FRMD4A: variants seen among roughly 807,000 people sequenced by gnomAD.
FRMD4A encodes the protein FERM domain containing 4A.
FRMD4A carries 29 observed loss-of-function variants against 129.1 expected under a neutral mutation model. The observed-to-expected ratio is 0.22, with a 90% CI of 0.17 to 0.31. FRMD4A has a LOEUF of 0.31. FRMD4A is among the 10% of genes least tolerant of loss of function. FRMD4A has a pLI of 1.00. For synonymous variants in FRMD4A, 634 were observed against 571.6 expected, an observed-to-expected ratio of 1.11 and a Z score of -1.56; for missense variants, 1,272 against 1,375.8, an observed-to-expected ratio of 0.92 and a Z score of 1.19.
At chr10:14,193,616 T>C (rs1028619542) in intron 2 of FRMD4A, among the ~76,000 whole-genome samples, 1 of 150,340 alleles carries the variant, frequency 6.7e-6, no homozygotes, top group Non-Finnish European at 1.5e-5. Flanking sequence ...GAAATATTCA[T>C]AAGCAATGAA....
At chr10:13,728,586 T>TTTTTTTTTTTTTTTTTTTG (rs2090086331) in intron 12 of FRMD4A, among the ~76,000 whole-genome samples, 1 of 141,386 alleles carries the variant, frequency 7.1e-6, no homozygotes, top group Non-Finnish European at 1.5e-5. Context: ...TTTTTTTTTT[T>TTTTTTTTTTTTTTTTTTTG]TTTTGAGATG....
chr10:13,998,381 G>A (rs555416744), intron 2 of FRMD4A, among the ~76,000 whole-genome samples: 31 of 152,268 alleles, frequency 2.0e-4, no homozygotes, highest in African/African-American at 7.5e-4. Context: ...TCACATAATT[G>A]GCTCTGGAGA....
chr10:14,142,118 T>C (rs1839866431), intron 2 of FRMD4A, among the ~76,000 whole-genome samples: 1 of 151,266 alleles, frequency 6.6e-6, no homozygotes, highest in Non-Finnish European at 1.5e-5. Flanking sequence ...AAAACATTTT[T>C]ATTTTAAAAA....
chr10:13,678,713 G>T (rs938298548), intron 15 of FRMD4A, among the ~76,000 whole-genome samples: 1 of 152,214 alleles, frequency 6.6e-6, no homozygotes, highest in Non-Finnish European at 1.5e-5. Flanking sequence ...CCAATTCAGT[G>T]TAACACTTGA....
At chr10:14,115,890 A>C (rs1191071173) in intron 2 of FRMD4A, among the ~76,000 whole-genome samples, 2 of 152,246 alleles carry the variant, frequency 1.3e-5, no homozygotes, top group Non-Finnish European at 2.9e-5. Context: ...AAATGGACTA[A>C]GACAGACATC....
At chr10:14,174,473 C>T (rs1380198716) in intron 2 of FRMD4A, among the ~76,000 whole-genome samples, 1 of 152,228 alleles carries the variant, frequency 6.6e-6, no homozygotes, top group Non-Finnish European at 1.5e-5. Flanking sequence ...CCGGAGCATC[C>T]AGCCGCTTTG....
chr10:13,770,058 C>G (rs569649510), intron 6 of FRMD4A, among the ~76,000 whole-genome samples: 2 of 152,302 alleles, frequency 1.3e-5, no homozygotes, highest in African/African-American at 4.8e-5. Context: ...TTCTGTCCCT[C>G]TGACTAATAC....
At chr10:14,031,454 G>C (rs1833240499) in intron 2 of FRMD4A, among the ~76,000 whole-genome samples, 1 of 152,140 alleles carries the variant, frequency 6.6e-6, no homozygotes, top group Non-Finnish European at 1.5e-5. Flanking sequence ...TTTTAGTAGA[G>C]ATGGGGGTTC....
intron 2 of FRMD4A, among the ~76,000 whole-genome samples, chr10:14,038,418 C>T (rs2131670901): frequency 6.6e-6 from 1 of 152,292 alleles, no homozygotes; most frequent in South Asian, 2.1e-4. Context: ...GTATATGCCA[C>T]GCATACCTGT....
chr10:14,049,265 T>C (rs772183353), intron 2 of FRMD4A, among the ~76,000 whole-genome samples: 3 of 152,204 alleles, frequency 2.0e-5, no homozygotes, highest in Non-Finnish European at 4.4e-5. Flanking sequence ...TAATTACATA[T>C]GCACAGTGGG....
intron 2 of FRMD4A, among the ~76,000 whole-genome samples, chr10:14,320,368 T>G (rs1350185321): frequency 6.6e-6 from 1 of 152,144 alleles, no homozygotes; most frequent in Non-Finnish European, 1.5e-5. Flanking sequence ...CCTTTCATAC[T>G]CCCACATTTG....
intron 3 of FRMD4A, among the ~76,000 whole-genome samples, chr10:13,834,159 G>C (rs1440032421): frequency 6.6e-6 from 1 of 152,140 alleles, no homozygotes; most frequent in Admixed American, 6.5e-5. Flanking sequence ...AGCTACTTGG[G>C]AGGCTGAGGC....
At chr10:14,055,660 T>C (rs1834491417) in intron 2 of FRMD4A, among the ~76,000 whole-genome samples, 2 of 152,222 alleles carry the variant, frequency 1.3e-5, no homozygotes. Flanking sequence ...ACCAACTTTA[T>C]TTCTTTTATG....
intron 3 of FRMD4A, among the ~76,000 whole-genome samples, chr10:13,837,473 T>C (rs2093894908): frequency 6.6e-6 from 1 of 152,208 alleles, no homozygotes; most frequent in Non-Finnish European, 1.5e-5. Flanking sequence ...TGAAACTGTT[T>C]AGAGCTTTCC....
intron 2 of FRMD4A, among the ~76,000 whole-genome samples, chr10:14,019,130 C>A (rs2131643652): frequency 6.6e-6 from 1 of 152,020 alleles, no homozygotes; most frequent in Non-Finnish European, 1.5e-5. Flanking sequence ...AAAGAGGATC[C>A]TCAAGAAGAC....
intron 2 of FRMD4A, among the ~76,000 whole-genome samples, chr10:14,296,289 C>T (rs1229716811): frequency 6.6e-6 from 1 of 152,198 alleles, no homozygotes; most frequent in East Asian, 1.9e-4. Flanking sequence ...GGCCAGGGCT[C>T]CATAGAAAGA....
intron 5 of FRMD4A, among the ~76,000 whole-genome samples, chr10:13,794,890 G>T (rs1320029982): frequency 6.6e-6 from 1 of 152,134 alleles, no homozygotes; most frequent in African/African-American, 2.4e-5. Flanking sequence ...GCAATGCTAG[G>T]TTACCTGCTT....
intron 2 of FRMD4A, among the ~76,000 whole-genome samples, chr10:13,883,944 T>A (rs879566463): frequency 1.3e-5 from 2 of 152,190 alleles, no homozygotes; most frequent in Non-Finnish European, 2.9e-5. Context: ...AGAAGACAGA[T>A]GATCTCTCGT....
In FRMD4A at chr10:13,660,573, G is replaced by A. The variant is rs1227855026; in HGVS notation, c.1661-20C>T. ...AGTCTTCTGCACAAAGACAGGAAGA[G>A]AGGAACTGAGCCCCGGTCATCCTTC... On this transcript the variant is annotated intron_variant, in intron 19 of 24. Coordinates refer to ENST00000357447, the MANE Select transcript of FRMD4A (RefSeq NM_018027.5). 1.4e-6 allele frequency: 2 copies of A among 1,460,140 alleles called. No homozygotes were observed. The highest frequency in any genetic ancestry group is 1.9e-6 in the Non-Finnish European group (2 of 1,051,350). 90.4% of individuals were successfully genotyped at this position (1,460,140 alleles called of 1,614,324 possible).
Sources: allele counts gnomAD v4.1 joint callset (sites outside exome capture counted in the v4.1 genomes callset), GRCh38; gene constraint gnomAD v4.1.1; transcripts MANE v1.5; gene names NCBI Gene and HGNC (gene_info 2026-07-23, HGNC 2026-07-21).